The following ATP10B variants were observed in gnomAD, a reference collection of about 807,000 sequenced individuals.
The protein encoded by ATP10B is phospholipid-transporting ATPase VB.
In ATP10B, 122 loss-of-function variants were observed where a neutral mutation model predicts 141.2. That is an observed-to-expected ratio of 0.86 (90% CI 0.75 to 1.00). ATP10B has a LOEUF of 1.00. Ranked by LOEUF, ATP10B falls within the 50% of genes least tolerant of loss-of-function variation. The pLI is 0.00. For missense variants in ATP10B, 1,876 were observed against 1,825.3 expected, an observed-to-expected ratio of 1.03 and a Z score of -0.51; for synonymous variants, 685 against 692.0, an observed-to-expected ratio of 0.99 and a Z score of 0.16.
chr5:160,923,704 C>T, the ATP10B span, among the ~76,000 whole-genome samples: 10 of 152,288 alleles, frequency 6.6e-5, no homozygotes, highest in East Asian at 1.9e-4. Context: ...ATTTTCTTGA[C>T]GTACAGCCAC....
At position 160,612,584 on chromosome 5, in the gene ATP10B, C is replaced by A; in HGVS notation, c.2838+157G>T. 2 of 572,504 alleles carry A rather than the reference C, an allele frequency of 3.5e-6. 1 individual carries two copies. The highest frequency in any genetic ancestry group is 6.0e-6 in the Non-Finnish European group (2 of 332,154). 35.5% of individuals were successfully genotyped at this position (572,504 alleles called of 1,614,324 possible). On this transcript the variant is annotated intron_variant, in intron 18 of 25. Coordinates refer to ENST00000327245, the MANE Select transcript of ATP10B (RefSeq NM_025153.3). ...AGATAAAGGATATTGGGCTGGATGA[C>A]TTCCAGGGTCCTCTAGACTCCAAGA...
intron 10 of ATP10B, among the ~76,000 whole-genome samples, chr5:160,638,270 G>A (rs1413728698): frequency 6.6e-6 from 1 of 151,916 alleles, no homozygotes; most frequent in Admixed American, 6.6e-5. Context: ...TTATTGTTTT[G>A]GGGAATCTGC....
the ATP10B span, among the ~76,000 whole-genome samples, chr5:160,904,357 AG>A: frequency 6.6e-6 from 1 of 152,174 alleles, no homozygotes; most frequent in Non-Finnish European, 1.5e-5. Context: ...TTTGCATTAT[AG>A]GGCAACTGTG....
At chr5:160,799,012 A>G (rs982171915) in intron 1 of ATP10B, among the ~76,000 whole-genome samples, 3 of 152,110 alleles carry the variant, frequency 2.0e-5, no homozygotes, top group African/African-American at 7.2e-5. Flanking sequence ...CGGCTTCCCA[A>G]AGTACTGGGA....
chr5:160,744,856 C>G (rs1329040549), intron 2 of ATP10B, among the ~76,000 whole-genome samples: 1 of 152,206 alleles, frequency 6.6e-6, no homozygotes, highest in Non-Finnish European at 1.5e-5. Flanking sequence ...CTGTGAGACA[C>G]GAATTCTGCT....
At position 160,622,430 on chromosome 5, in the gene ATP10B, A is replaced by G. The variant is rs767197330; in HGVS notation, c.1776T>C (p.Ser592=). 1 of 1,613,928 alleles carries G rather than the reference A, an allele frequency of 6.2e-7. No individual in the cohort carries two copies. Among genetic ancestry groups the G allele is most frequent in the Non-Finnish European group, 8.5e-7 (1 of 1,179,962 alleles). Reference sequence around the variant, plus strand: ...GCTCGGTGGTTGTGGACACCATGACAGAGTTGCAGATGGTTAAGGCAAGGA... The same window carrying G: ...GCTCGGTGGTTGTGGACACCATGACGGAGTTGCAGATGGTTAAGGCAAGGA... ...DFFLALTICN[S]VMVSTTTEPR... is the part of the protein sequence containing the mutation. The change falls in exon 14 of 26, where the codon TCT becomes TCC. Residue 592 remains serine (S), a synonymous_variant. Coordinates refer to ENST00000327245, the MANE Select transcript of ATP10B (RefSeq NM_025153.3).
the ATP10B span, among the ~76,000 whole-genome samples, chr5:160,858,150 ATGT>A: frequency 2.6e-5 from 4 of 151,744 alleles, no homozygotes; most frequent in Non-Finnish European, 5.9e-5. Flanking sequence ...CTTTGTGACT[ATGT>A]TGTTTGGTGC....
intron 1 of ATP10B, among the ~76,000 whole-genome samples, chr5:160,798,056 C>T (rs1296825194): frequency 6.6e-6 from 1 of 151,706 alleles, no homozygotes; most frequent in Admixed American, 6.6e-5. Context: ...GAGGTGGTGA[C>T]ATTTAAACCA....
chr5:160,911,614 C>G, the ATP10B span, among the ~76,000 whole-genome samples: 2,248 of 152,256 alleles, frequency 0.015, 53 homozygotes, highest in African/African-American at 0.052. Context: ...ATGTGTGAGT[C>G]TGCTGCATTG....
At chr5:160,587,895 A>G (rs1756018078) in intron 24 of ATP10B, among the ~76,000 whole-genome samples, 1 of 152,158 alleles carries the variant, frequency 6.6e-6, no homozygotes, top group East Asian at 1.9e-4. Flanking sequence ...CTGGAGTGCA[A>G]TGGCATGATC....
At chr5:160,771,557 G>A (rs954262882) in intron 2 of ATP10B, among the ~76,000 whole-genome samples, 1 of 152,122 alleles carries the variant, frequency 6.6e-6, no homozygotes, top group Admixed American at 6.6e-5. Flanking sequence ...GAAACTCAAC[G>A]TGATATTTTG....
rs572498451 is a variant in ATP10B at position 160,669,711 on chromosome 5, C to T, written c.675+752G>A. Among the ~76,000 whole-genome samples the T allele has an allele frequency of 1.4e-3, 217 of 150,266 alleles. 1 individual carries two copies. Among genetic ancestry groups the T allele is most frequent in the Non-Finnish European group, 2.6e-3 (173 of 67,648 alleles). ...GCCTCCTGGGTTCAAGTGATTCTAC[C>T]GCCTCAGTCTCCTGAGTAGCTGGGA... On this transcript the variant is annotated intron_variant, in intron 7 of 25. Coordinates refer to ENST00000327245, the MANE Select transcript of ATP10B (RefSeq NM_025153.3).
At chr5:160,814,171 G>A (rs566096882) in intron 1 of ATP10B, among the ~76,000 whole-genome samples, 13 of 152,138 alleles carry the variant, frequency 8.5e-5, no homozygotes, top group South Asian at 2.1e-4. Flanking sequence ...GTCTTCAGAC[G>A]ATCAAACTAC....
At chr5:160,648,559 T>G (rs1400555626) in intron 8 of ATP10B, among the ~76,000 whole-genome samples, 3 of 152,196 alleles carry the variant, frequency 2.0e-5, no homozygotes, top group Non-Finnish European at 1.5e-5. Flanking sequence ...GAACCAAAGT[T>G]GAGGAATAAG....
intron 2 of ATP10B, among the ~76,000 whole-genome samples, chr5:160,737,911 A>G (rs1313018464): frequency 6.6e-6 from 1 of 152,150 alleles, no homozygotes; most frequent in Non-Finnish European, 1.5e-5. Flanking sequence ...AATAGACAAA[A>G]AATTAGTAAA....
In ATP10B at chr5:160,774,300, C is replaced by T. The variant is rs74635447; in HGVS notation, c.-331+11259G>A. On this transcript the variant is annotated intron_variant, in intron 2 of 25. Coordinates refer to ENST00000327245, the MANE Select transcript of ATP10B (RefSeq NM_025153.3). ...CTGGCTGTGCAAAGCAGCCTCCAGG[C>T]GTTATCACATTTCCCCCGGAGAAGC... 4.7e-3 allele frequency among the ~76,000 whole-genome samples: 709 copies of T among 152,280 alleles called. 7 individuals carry two copies. Among genetic ancestry groups the T allele is most frequent in the African/African-American group, 0.016 (664 of 41,546 alleles).
chr5:160,783,620 T>A (rs1274343840), intron 2 of ATP10B, among the ~76,000 whole-genome samples: 3 of 148,958 alleles, frequency 2.0e-5, no homozygotes, highest in Non-Finnish European at 4.5e-5. Context: ...CCACAGTTTC[T>A]TCATCCACTC....
intron 19 of ATP10B, among the ~76,000 whole-genome samples, chr5:160,604,782 G>A (rs559651548): frequency 5.9e-5 from 9 of 152,152 alleles, no homozygotes; most frequent in Non-Finnish European, 7.4e-5. Flanking sequence ...CATGATGAGG[G>A]AAACGTTCTA....
intron 2 of ATP10B, among the ~76,000 whole-genome samples, chr5:160,764,248 TAAC>T (rs144856001): frequency 2.6e-5 from 4 of 151,362 alleles, no homozygotes; most frequent in Non-Finnish European, 3.0e-5. Flanking sequence ...GGAAAGGACA[TAAC>T]AACAACAACA....
Sources: gnomAD v4.1 joint callset for allele counts (sites outside exome capture counted in the v4.1 genomes callset) on GRCh38, gnomAD v4.1.1 for gene constraint, MANE v1.5 for transcripts, NCBI Gene and HGNC (gene_info 2026-07-23, HGNC 2026-07-21) for gene names.